The following SFXN5 variants were observed in gnomAD, a reference collection of about 807,000 sequenced individuals.
SFXN5 encodes the protein sideroflexin-5.
A neutral mutation model predicts 50.2 loss-of-function variants in SFXN5; 43 were observed. The observed-to-expected ratio is 0.86, with a 90% CI of 0.67 to 1.11. The LOEUF is 1.11. Ranked by LOEUF, SFXN5 falls within the 50% of genes least tolerant of loss-of-function variation. The pLI, the probability that SFXN5 is intolerant of heterozygous loss-of-function variation, is 0.00. For missense variants in SFXN5, 463 were observed against 454.1 expected (o/e 1.02, Z -0.18); for synonymous variants, 203 against 185.8 (o/e 1.09, Z -0.75).
chr2:73,015,245 A>G (rs1474656325), intron 6 of SFXN5, among the ~76,000 whole-genome samples: 3 of 152,176 alleles, frequency 2.0e-5, no homozygotes, highest in African/African-American at 7.2e-5. Flanking sequence ...TCAGTTTCTC[A>G]GTGTGATCAA....
chr2:72,963,262 AAG>A (rs1250709166), intron 12 of SFXN5, among the ~76,000 whole-genome samples: 2 of 152,164 alleles, frequency 1.3e-5, no homozygotes, highest in Non-Finnish European at 2.9e-5. Flanking sequence ...GAGAAAAAGA[AAG>A]AGAGACGCTA....
chr2:72,988,731 G>T (rs934278794), intron 9 of SFXN5, among the ~76,000 whole-genome samples: 43 of 152,248 alleles, frequency 2.8e-4, no homozygotes, highest in African/African-American at 1.0e-3. Flanking sequence ...TGAAGTGTAG[G>T]AAGGCCTCAT....
intron 2 of SFXN5, among the ~76,000 whole-genome samples, chr2:73,048,914 C>T (rs929627199): frequency 5.3e-5 from 8 of 152,156 alleles, no homozygotes; most frequent in Non-Finnish European, 1.2e-4. Context: ...CAGGGTGATA[C>T]TTTGAGAGCG....
chr2:73,047,665 T>G (rs1298949629), intron 2 of SFXN5, among the ~76,000 whole-genome samples: 1 of 152,134 alleles, frequency 6.6e-6, no homozygotes, highest in Non-Finnish European at 1.5e-5. Flanking sequence ...AAGATGTGAC[T>G]TTGCTCCTCA....
At chr2:73,042,993 G>T (rs913049305) in intron 2 of SFXN5, among the ~76,000 whole-genome samples, 1 of 152,142 alleles carries the variant, frequency 6.6e-6, no homozygotes, top group East Asian at 1.9e-4. Flanking sequence ...ATTTGAACCT[G>T]GGGGGCAAAG....
chr2:72,968,395 C>G, intron 12 of SFXN5, 53 bp downstream of exon 12: 1 of 1,550,438 alleles, frequency 6.4e-7, no homozygotes, highest in Non-Finnish European at 8.8e-7. Flanking sequence ...TTCCCCCTCC[C>G]TCTCCCCCTC....
intron 8 of SFXN5, among the ~76,000 whole-genome samples, chr2:72,999,779 T>C (rs6736961): frequency 1.4e-4 from 22 of 152,140 alleles, no homozygotes; most frequent in African/African-American, 5.3e-4. Context: ...TACCCCAAAC[T>C]GACAGGCCCC....
chr2:73,016,173 T>C (rs1280950032), intron 6 of SFXN5, among the ~76,000 whole-genome samples: 1 of 152,178 alleles, frequency 6.6e-6, no homozygotes, highest in African/African-American at 2.4e-5. Context: ...TTTCTAGAAA[T>C]GTCTATTTAA....
chr2:72,977,601 C>T (rs1670775235), intron 10 of SFXN5, among the ~76,000 whole-genome samples: 1 of 152,128 alleles, frequency 6.6e-6, no homozygotes. Flanking sequence ...TTGTTTTTCT[C>T]ACAACATGGT....
chr2:73,018,727 T>C (rs981926961), intron 6 of SFXN5, among the ~76,000 whole-genome samples: 37 of 152,232 alleles, frequency 2.4e-4, no homozygotes, highest in African/African-American at 8.9e-4. Flanking sequence ...AACATTCACA[T>C]ACAGATCTTT....
chr2:72,977,691 T>C (rs1038447081), intron 10 of SFXN5, among the ~76,000 whole-genome samples: 2 of 152,140 alleles, frequency 1.3e-5, no homozygotes, highest in Non-Finnish European at 2.9e-5. Flanking sequence ...TAAGAAACTC[T>C]AGGTGGGGTG....
At chr2:73,049,952 T>C (rs1252034815) in intron 2 of SFXN5, 4 of 148,282 alleles carry the variant, frequency 2.7e-5, no homozygotes, top group African/African-American at 1.0e-4. Context: ...CGAATATTTA[T>C]CTTCCAAAAG....
chr2:73,035,111 T>G (rs1678809458), intron 3 of SFXN5, among the ~76,000 whole-genome samples: 1 of 152,216 alleles, frequency 6.6e-6, no homozygotes, highest in African/African-American at 2.4e-5. Flanking sequence ...GACAAGTTTA[T>G]GTGAAGATTA....
intron 8 of SFXN5, among the ~76,000 whole-genome samples, chr2:73,000,009 A>T (rs1263974614): frequency 6.6e-6 from 1 of 152,164 alleles, no homozygotes; most frequent in African/African-American, 2.4e-5. Flanking sequence ...TGTGGCCAGC[A>T]GTCGGGACCT....
intron 7 of SFXN5, among the ~76,000 whole-genome samples, chr2:73,000,993 T>C (rs1158307086): frequency 1.3e-5 from 2 of 152,202 alleles, no homozygotes; most frequent in African/African-American, 2.4e-5. Flanking sequence ...ACAGACAGGT[T>C]TTCCTTCCTG....
At chr2:72,951,437 C>T (rs1672525651) in intron 13 of SFXN5, among the ~76,000 whole-genome samples, 1 of 152,188 alleles carries the variant, frequency 6.6e-6, no homozygotes, top group Non-Finnish European at 1.5e-5. Context: ...TAACCTTGAG[C>T]TATTTGTCTC....
chr2:72,953,240 G>C lies in SFXN5; in HGVS notation c.945+7891C>G, dbSNP rs1672734399. ...GGGGGGTCCTGTGGGCAAACTCCAAGAAAGCAGCGGGCGGGGAGGCAGCAG... is the reference window on the plus strand; with the variant it reads ...GGGGGGTCCTGTGGGCAAACTCCAACAAAGCAGCGGGCGGGGAGGCAGCAG... On this transcript the variant is annotated intron_variant, in intron 13 of 13. Transcript: ENST00000272433. The surrounding 1 kb of genome is among the most constrained non-coding windows in gnomAD (Gnocchi z 4.1). Among the ~76,000 whole-genome samples the C allele has an allele frequency of 6.6e-6, 1 of 152,194 alleles. No individual in the cohort carries two copies. The highest frequency in any genetic ancestry group is 2.4e-5 in the African/African-American group (1 of 41,438).
intron 9 of SFXN5, 190 bp downstream of exon 9, chr2:72,998,759 C>A (rs943484529): frequency 1.5e-5 from 9 of 611,280 alleles, no homozygotes; most frequent in Non-Finnish European, 2.6e-5. Flanking sequence ...TTACAGGGAG[C>A]ACCAGGTTGT....
At chr2:72,984,779 G>A (rs1251511763) in intron 10 of SFXN5, among the ~76,000 whole-genome samples, 4 of 152,266 alleles carry the variant, frequency 2.6e-5, no homozygotes, top group Admixed American at 2.0e-4. Flanking sequence ...CAGAGGCCTC[G>A]TTTCCAGATG....
Sources: allele counts gnomAD v4.1 joint callset (sites outside exome capture counted in the v4.1 genomes callset), GRCh38; gene constraint gnomAD v4.1.1; non-coding constraint Gnocchi (gnomAD v3.1); transcripts MANE v1.5; gene names NCBI Gene and HGNC (gene_info 2026-07-23, HGNC 2026-07-21).